SCN8A: variants seen among roughly 807,000 people sequenced by gnomAD.
SCN8A encodes the protein sodium voltage-gated channel alpha subunit 8.
In SCN8A, 30 loss-of-function variants were observed where a neutral mutation model predicts 184.1. The observed-to-expected ratio is 0.16, with a 90% CI of 0.12 to 0.22. The LOEUF (loss-of-function observed/expected upper bound fraction) is 0.22, where lower values mean the gene tolerates loss of function less well. Among genes scored for constraint, SCN8A ranks in the 10% least tolerant of loss-of-function variants. The probability of loss-of-function intolerance (pLI) is 1.00; values close to 1 mark genes in which losing one functional copy is unlikely to be tolerated. For missense variants in SCN8A, 1,057 were observed against 2,498.9 expected (o/e 0.42, Z 12.30); for synonymous variants, 852 against 907.0 (o/e 0.94, Z 1.09).
intron 26 of SCN8A, among the ~76,000 whole-genome samples, chr12:51,796,545 A>G (rs1485677790): frequency 6.6e-6 from 1 of 152,242 alleles, no homozygotes; most frequent in African/African-American, 2.4e-5. Context: ...TTTTAAAGTA[A>G]GAAATGTATT....
intron 18 of SCN8A, 21 bp downstream of exon 18, chr12:51,770,006 G>A: frequency 6.8e-7 from 1 of 1,468,750 alleles, no homozygotes; most frequent in African/African-American, 1.4e-5. Flanking sequence ...ATGAGGAGCG[G>A]ATGGGCTGGG....
At chr12:51,609,512 C>T (rs960638747) in intron 1 of SCN8A, among the ~76,000 whole-genome samples, 2 of 152,154 alleles carry the variant, frequency 1.3e-5, no homozygotes, top group African/African-American at 2.4e-5. Context: ...TCCTGTTGGA[C>T]AAGGCCTTTT....
chr12:51,764,753 T>C (rs1053259283), intron 15 of SCN8A, among the ~76,000 whole-genome samples: 10 of 151,912 alleles, frequency 6.6e-5, no homozygotes, highest in Admixed American at 6.6e-4. Context: ...TTCTGTCCTC[T>C]GAATAACAGT....
intron 12 of SCN8A, among the ~76,000 whole-genome samples, chr12:51,736,385 C>G (rs965109056): frequency 6.6e-6 from 1 of 152,216 alleles, no homozygotes; most frequent in Non-Finnish European, 1.5e-5. Context: ...AACGAGGGAA[C>G]ATGTGTGGCA....
chr12:51,795,917 C>CCTGTAGTCCCAGTTACGGTGATAT (rs1938393756), intron 26 of SCN8A, among the ~76,000 whole-genome samples: 1 of 149,554 alleles, frequency 6.7e-6, no homozygotes, highest in South Asian at 2.1e-4. Flanking sequence ...CATGGTGATA[C>CCTGTAGTCCCAGTTACGGTGATAT]GTGCCTGTAG....
intron 12 of SCN8A, among the ~76,000 whole-genome samples, chr12:51,743,946 T>C (rs546794720): frequency 1.6e-4 from 24 of 152,156 alleles, no homozygotes; most frequent in Admixed American, 6.5e-4. Context: ...GGGACCATGT[T>C]GTATGTGTTG....
At chr12:51,783,854 AT>A (rs1937998629) in intron 21 of SCN8A, among the ~76,000 whole-genome samples, 1 of 152,244 alleles carries the variant, frequency 6.6e-6, no homozygotes, top group South Asian at 2.1e-4. Flanking sequence ...ATCCATTGGA[AT>A]TTTCTCATCA....
intron 2 of SCN8A, among the ~76,000 whole-genome samples, chr12:51,677,020 A>C (rs1195477852): frequency 6.6e-6 from 1 of 151,552 alleles, no homozygotes; most frequent in African/African-American, 2.4e-5. Context: ...TCTTCTATAT[A>C]AAGTCTTTTC....
intron 13 of SCN8A, 79 bp downstream of exon 13, chr12:51,746,114 G>T: frequency 7.4e-7 from 1 of 1,360,420 alleles, no homozygotes; most frequent in Non-Finnish European, 9.7e-7. Context: ...CCTGTCCCTT[G>T]GTCTGAGTTT....
In SCN8A at chr12:51,614,659, C is replaced by G. The variant is rs558782047; in HGVS notation, c.-55+23300C>G. Among the ~76,000 whole-genome samples the G allele has an allele frequency of 4.6e-5, 7 of 152,170 alleles. No homozygotes were observed. In the East Asian group the frequency reaches 9.6e-4, roughly 21 times the overall value. On this transcript the variant is annotated intron_variant, in intron 1 of 26. Coordinates refer to ENST00000627620, the MANE Select transcript of SCN8A (RefSeq NM_001330260.2). Reference sequence around the variant, plus strand: ...CTTCATTTGGATTTCACCAAATTTTCTACTAATGTCCTTTTTTCTGATCCA... The same window carrying G: ...CTTCATTTGGATTTCACCAAATTTTGTACTAATGTCCTTTTTTCTGATCCA...
At chr12:51,760,305 T>C (rs1412311012) in intron 14 of SCN8A, among the ~76,000 whole-genome samples, 1 of 152,240 alleles carries the variant, frequency 6.6e-6, no homozygotes, top group African/African-American at 2.4e-5. Context: ...CTAATAGTTA[T>C]AGGTGTATTT....
chr12:51,607,166 G>A (rs1391959325), intron 1 of SCN8A, among the ~76,000 whole-genome samples: 2 of 152,070 alleles, frequency 1.3e-5, no homozygotes, highest in Non-Finnish European at 2.9e-5. Flanking sequence ...CAAAGTTCTG[G>A]GATTACAGGC....
rs531633883 is a variant in SCN8A at position 51,603,649 on chromosome 12, A to C, written c.-55+12290A>C. ...ATGGTTGTACCATTTCGCATTCCCA[A>C]CAGCAGTGTATGAGAGTTCAGCAGC... is the stretch of plus-strand genomic sequence containing the variant. On this transcript the variant is annotated intron_variant, in intron 1 of 26. Coordinates refer to ENST00000627620, the MANE Select transcript of SCN8A (RefSeq NM_001330260.2). Among the ~76,000 whole-genome samples the C allele has an allele frequency of 2.0e-5, 3 of 152,160 alleles. No individual in the cohort carries two copies. In the South Asian group the frequency reaches 6.2e-4, roughly 32 times the overall value.
At chr12:51,728,732 A>C (rs7953186) in intron 12 of SCN8A, among the ~76,000 whole-genome samples, 713 of 9,456 alleles carry the variant, frequency 0.075, 1 homozygote, top group African/African-American at 0.14. Context: ...CCTGTTTCCC[A>C]AAAAAAAAAA....
At chr12:51,626,663 A>G (rs1447552080) in intron 1 of SCN8A, among the ~76,000 whole-genome samples, 1 of 152,216 alleles carries the variant, frequency 6.6e-6, no homozygotes, top group African/African-American at 2.4e-5. Flanking sequence ...AAAATAGAGT[A>G]TGTTTCTCTT....
At chr12:51,748,747 G>C (rs1389973429) in intron 13 of SCN8A, among the ~76,000 whole-genome samples, 2 of 152,162 alleles carry the variant, frequency 1.3e-5, no homozygotes, top group Non-Finnish European at 2.9e-5. Context: ...TGTCAGTATA[G>C]TTACTTGGCT....
intron 24 of SCN8A, among the ~76,000 whole-genome samples, chr12:51,790,043 A>G (rs1486359047): frequency 6.6e-6 from 1 of 152,236 alleles, no homozygotes; most frequent in Non-Finnish European, 1.5e-5. Flanking sequence ...TTATTCTAAA[A>G]TGTGTTTTCT....
intron 12 of SCN8A, among the ~76,000 whole-genome samples, chr12:51,743,566 AG>A (rs1252030300): frequency 1.3e-5 from 2 of 152,046 alleles, no homozygotes; most frequent in Admixed American, 1.3e-4. Context: ...CTTGAACTGG[AG>A]TGTGTTGATG....
intron 13 of SCN8A, among the ~76,000 whole-genome samples, chr12:51,749,077 A>C (rs1314898907): frequency 6.6e-6 from 1 of 152,224 alleles, no homozygotes; most frequent in Non-Finnish European, 1.5e-5. Context: ...CCCCAAGCCA[A>C]ATACTGGGCC....
Sources: allele counts gnomAD v4.1 joint callset (sites outside exome capture counted in the v4.1 genomes callset), GRCh38; gene constraint gnomAD v4.1.1; transcripts MANE v1.5; gene names NCBI Gene and HGNC (gene_info 2026-07-23, HGNC 2026-07-21).